Variants in PPAT observed in about 807,000 individuals in gnomAD.
PPAT encodes the protein amidophosphoribosyltransferase.
PPAT carries 20 observed loss-of-function variants against 60.2 expected under a neutral mutation model. That is an observed-to-expected ratio of 0.33 (90% CI 0.23 to 0.48). The LOEUF (loss-of-function observed/expected upper bound fraction) is 0.48. Ranked by LOEUF, PPAT falls within the 20% of genes least tolerant of loss-of-function variation. The pLI, the probability that PPAT is intolerant of heterozygous loss-of-function variation, is 0.99. For missense variants in PPAT, 349 were observed against 629.6 expected, an observed-to-expected ratio of 0.55 and a Z score of 4.77; for synonymous variants, 194 against 215.1, an observed-to-expected ratio of 0.90 and a Z score of 0.86.
At chr4:56,423,921 A>G (rs768143662) in intron 1 of PPAT, among the ~76,000 whole-genome samples, 116 of 152,344 alleles carry the variant, frequency 7.6e-4, no homozygotes, top group Admixed American at 1.6e-3. Context: ...GCTCTTAGGA[A>G]GAATGTAATA....
At chr4:56,416,445 T>C (rs972927925) in intron 1 of PPAT, 8 of 509,566 alleles carry the variant, frequency 1.6e-5, no homozygotes, top group Non-Finnish European at 2.0e-5. Context: ...CTAGGTATAG[T>C]ATAATGGATG....
chr4:56,435,273 C>G, intron 1 of PPAT, 77 bp downstream of exon 1: 1 of 1,593,472 alleles, frequency 6.3e-7, no homozygotes, highest in Non-Finnish European at 8.6e-7. Flanking sequence ...CTCGGGCGCT[C>G]ATGAGAACGC....
In PPAT at chr4:56,407,700, C is replaced by T; in HGVS notation, c.145G>A (p.Gly49Ser). 1 of 1,603,942 alleles carries T rather than the reference C, an allele frequency of 6.2e-7. No homozygotes were observed. The highest frequency in any genetic ancestry group is 2.2e-5 in the East Asian group (1 of 44,868). ...GAACTCCCATCACTAGTCACAATAC[C>T]AGCACTCTCCTGACCCCTGTGAATA... ...GLQHRGQESA[G>S]IVTSDGSSVP... The change falls in exon 2 of 11, where the codon GGT becomes AGT. Residue 49 changes from glycine (G) to serine (S), a missense_variant. Transcript: ENST00000264220.
intron 1 of PPAT, among the ~76,000 whole-genome samples, chr4:56,418,783 A>C (rs1036429246): frequency 6.6e-6 from 1 of 152,244 alleles, no homozygotes; most frequent in African/African-American, 2.4e-5. Context: ...TGTCAAAATA[A>C]CCAATATAAA....
chr4:56,413,184 G>C (rs1014411875), intron 1 of PPAT, among the ~76,000 whole-genome samples: 3 of 152,158 alleles, frequency 2.0e-5, no homozygotes, highest in South Asian at 2.1e-4. Context: ...TTTTAAGACA[G>C]AGTCTCACTC....
chr4:56,432,322 G>A (rs1364121458), intron 1 of PPAT, among the ~76,000 whole-genome samples: 3 of 152,056 alleles, frequency 2.0e-5, no homozygotes, highest in African/African-American at 7.2e-5. Flanking sequence ...GAGGCCAGGA[G>A]TTCAAGACCA....
rs1578118056 is a variant in PPAT at position 56,407,632 on chromosome 4, C to T, written c.195+18G>A. On this transcript the variant is annotated intron_variant, in intron 2 of 10. Coordinates refer to ENST00000264220, the MANE Select transcript of PPAT (RefSeq NM_002703.5). ...CGCACTTGGTCTGTCATCAACATTT[C>T]TTAAAGTTCAAATTTACCTTGTGTG... is the stretch of plus-strand genomic sequence containing the variant. 2 of 1,582,208 alleles carry T rather than the reference C, an allele frequency of 1.3e-6. No individual in the cohort carries two copies. The highest frequency in any genetic ancestry group is 1.1e-5 in the South Asian group (1 of 90,412).
chr4:56,409,066 A>C (rs1162097053), intron 1 of PPAT, among the ~76,000 whole-genome samples: 1 of 151,744 alleles, frequency 6.6e-6, no homozygotes, highest in Non-Finnish European at 1.5e-5. Context: ...GCTTGAATAA[A>C]CTCTCTCTAA....
At chr4:56,405,094 TAA>T (rs1382895998) in intron 3 of PPAT, among the ~76,000 whole-genome samples, 127 of 136,202 alleles carry the variant, frequency 9.3e-4, no homozygotes, top group Non-Finnish European at 9.1e-4. Flanking sequence ...GACAGGCAGT[TAA>T]AAAAAAAAAA....
At chr4:56,416,676 T>C (rs751874892) in intron 1 of PPAT, among the ~76,000 whole-genome samples, 1 of 152,188 alleles carries the variant, frequency 6.6e-6, no homozygotes, top group Admixed American at 6.5e-5. Flanking sequence ...CTTTAAATAT[T>C]ATAAGAAATC....
rs1715945107 is a variant in PPAT at position 56,395,406 on chromosome 4, A to G, written c.1500T>C (p.Ser500=). 1.2e-6 allele frequency: 2 copies of G among 1,610,276 alleles called. No individual in the cohort carries two copies. The part of the protein sequence containing the change: ...NGNGLECFEK[S]GHCTACLTGK... ...CAGTGAGACAAGCTGTACAATGACCACTCTTTTCAAAACATTCCAGACCAT... is the reference window on the plus strand; with the variant it reads ...CAGTGAGACAAGCTGTACAATGACCGCTCTTTTCAAAACATTCCAGACCAT... The change falls in exon 11 of 11, where the codon AGT becomes AGC. Residue 500 remains serine, a synonymous_variant. Transcript: ENST00000264220.
rs75965925 is a variant in PPAT at position 56,425,373 on chromosome 4, T to C, written c.128+9977A>G. On this transcript the variant is annotated intron_variant, in intron 1 of 10. Coordinates refer to ENST00000264220, the MANE Select transcript of PPAT (RefSeq NM_002703.5). ...AGAACTTTTCATTTTAATCCAATAG[T>C]ACATCCAGATAGAGAAGAACTTATT... 7.0e-3 allele frequency: 5,153 copies of C among 738,352 alleles called. 248 individuals carry two copies. The African/African-American group carries it at 0.091, about 13-fold the overall frequency. 45.7% of individuals were successfully genotyped at this position (738,352 alleles called of 1,614,324 possible).
At chr4:56,430,170 T>C (rs1717507214) in intron 1 of PPAT, among the ~76,000 whole-genome samples, 1 of 152,184 alleles carries the variant, frequency 6.6e-6, no homozygotes, top group Admixed American at 6.5e-5. Context: ...ATTTCAGCTG[T>C]TTCCAGATTG....
At chr4:56,427,957 C>A (rs1717381559) in intron 1 of PPAT, among the ~76,000 whole-genome samples, 1 of 152,198 alleles carries the variant, frequency 6.6e-6, no homozygotes, top group East Asian at 1.9e-4. Context: ...ATGCCCACTT[C>A]TCACTAAAAG....
chr4:56,398,650 A>G (rs75347511), intron 9 of PPAT, among the ~76,000 whole-genome samples: 4,062 of 151,554 alleles, frequency 0.027, 201 homozygotes, highest in African/African-American at 0.093. Context: ...GAGTTTCACT[A>G]TGTCGTCCAG....
Position 56,435,387 on chromosome 4 carries a change from G to A in PPAT, c.91C>T (p.His31Tyr), listed in dbSNP as rs1261388872. 6.2e-7 allele frequency: 1 copy of A among 1,613,568 alleles called. No homozygotes were observed. The highest frequency in any genetic ancestry group is 8.5e-7 in the Non-Finnish European group (1 of 1,179,700). The change falls in exon 1 of 11, where the codon CAT (histidine) becomes TAT (tyrosine). Residue 31 changes from histidine (H) to tyrosine (Y), a missense_variant. Physicochemically the swap from His to Tyr is moderately conservative, Grantham distance 83. Transcript: ENST00000264220. ...CCCACGAGTCCCAGAGTGATCACATGCGGTACATCCAGCTGCGTGGGCCAC... is the reference window on the plus strand; with the variant it reads ...CCCACGAGTCCCAGAGTGATCACATACGGTACATCCAGCTGCGTGGGCCAC... The part of the protein sequence containing the change: ...GEWPTQLDVP[H>Y]VITLGLVGLQ...
chr4:56,430,834 G>T (rs1717545808), intron 1 of PPAT, among the ~76,000 whole-genome samples: 1 of 151,908 alleles, frequency 6.6e-6, no homozygotes, highest in Non-Finnish European at 1.5e-5. Flanking sequence ...TAGAAGACTT[G>T]CCCAAGATTA....
chr4:56,397,355 G>T (rs1161221063), intron 9 of PPAT, among the ~76,000 whole-genome samples: 2 of 151,920 alleles, frequency 1.3e-5, no homozygotes, highest in African/African-American at 4.8e-5. Flanking sequence ...TTAAACTCTT[G>T]TATCTATTAC....
At position 56,435,520 on chromosome 4, in the gene PPAT, A is replaced by C. The variant is rs1717861560; in HGVS notation, c.-43T>G. The C allele has an allele frequency of 1.9e-6, 3 of 1,612,142 alleles. No individual in the cohort carries two copies. The highest frequency in any genetic ancestry group is 2.5e-6 in the Non-Finnish European group (3 of 1,179,860). On this transcript the variant is annotated 5_prime_UTR_variant, in exon 1 of 11. Transcript: ENST00000264220. ...GTGGAAGGACCTGCCGCTGCGGCCA[A>C]GGTGTAAGCACCAACCAGCTGCCAG...
Sources: allele counts gnomAD v4.1 joint callset (sites outside exome capture counted in the v4.1 genomes callset), GRCh38; gene constraint gnomAD v4.1.1; transcripts MANE v1.5; gene names NCBI Gene and HGNC (gene_info 2026-07-23, HGNC 2026-07-21).